The following NTRK3 variants were observed in gnomAD, a reference collection of about 807,000 sequenced individuals.
NTRK3 encodes NT-3 growth factor receptor.
In NTRK3, 24 loss-of-function variants were observed where a neutral mutation model predicts 91.7. That is an observed-to-expected ratio of 0.26 (90% CI 0.19 to 0.37). The LOEUF (loss-of-function observed/expected upper bound fraction) is 0.37. Ranked by LOEUF, NTRK3 falls within the 10% of genes least tolerant of loss-of-function variation. NTRK3 has a pLI of 1.00. For synonymous variants in NTRK3, 483 were observed against 404.0 expected (o/e 1.20, Z -2.34); for missense variants, 880 against 1,068.9 (o/e 0.82, Z 2.46).
At chr15:87,897,343 T>G (rs1214238752) in intron 17 of NTRK3, among the ~76,000 whole-genome samples, 1 of 152,196 alleles carries the variant, frequency 6.6e-6, no homozygotes, top group Non-Finnish European at 1.5e-5. Flanking sequence ...CTCATTGTCC[T>G]TTACTGCCCC....
intron 14 of NTRK3, among the ~76,000 whole-genome samples, chr15:87,945,138 C>CA (rs1361404795): frequency 2.6e-5 from 4 of 152,160 alleles, no homozygotes; most frequent in Non-Finnish European, 5.9e-5. Flanking sequence ...CAATCTCCAA[C>CA]AAAAAAGGGG....
chr15:88,134,695 T>A (rs1042357455), intron 10 of NTRK3, among the ~76,000 whole-genome samples: 1 of 152,222 alleles, frequency 6.6e-6, no homozygotes, highest in African/African-American at 2.4e-5. Flanking sequence ...CCTTGACTCA[T>A]TTAAAAGTCA....
chr15:88,158,487 G>C (rs1173801193), intron 5 of NTRK3, among the ~76,000 whole-genome samples: 1 of 152,204 alleles, frequency 6.6e-6, no homozygotes, highest in Non-Finnish European at 1.5e-5. Flanking sequence ...CAGGGAAAAT[G>C]CGGTCCTCAC....
At chr15:88,238,283 G>A (rs1245989166) in intron 3 of NTRK3, among the ~76,000 whole-genome samples, 1 of 151,946 alleles carries the variant, frequency 6.6e-6, no homozygotes, top group East Asian at 1.9e-4. Flanking sequence ...TTTTAATATT[G>A]TTTTTATTTT....
chr15:88,032,387 G>C (rs998251900), intron 14 of NTRK3, among the ~76,000 whole-genome samples: 1 of 152,126 alleles, frequency 6.6e-6, no homozygotes, highest in African/African-American at 2.4e-5. Flanking sequence ...TGCACACTTC[G>C]GGGCACTGGA....
intron 14 of NTRK3, among the ~76,000 whole-genome samples, chr15:88,012,333 C>T (rs1175844488): frequency 2.6e-5 from 4 of 152,170 alleles, no homozygotes; most frequent in Non-Finnish European, 5.9e-5. Context: ...CACTTCCTTC[C>T]TTATTATTCA....
intron 15 of NTRK3, among the ~76,000 whole-genome samples, chr15:87,936,685 C>T (rs778064555): frequency 4.6e-5 from 7 of 152,048 alleles, no homozygotes; most frequent in South Asian, 2.1e-4. Flanking sequence ...AACACACACA[C>T]GCACGCACAC....
chr15:87,877,561 G>A (rs2141443602), intron 18 of NTRK3, among the ~76,000 whole-genome samples: 1 of 152,162 alleles, frequency 6.6e-6, no homozygotes, highest in South Asian at 2.1e-4. Context: ...TGCACCCTCT[G>A]GCCCCTGCAT....
intron 5 of NTRK3, among the ~76,000 whole-genome samples, chr15:88,177,868 A>G (rs2151563434): frequency 1.3e-5 from 2 of 152,362 alleles, no homozygotes; most frequent in Non-Finnish European, 2.9e-5. Flanking sequence ...CATTGTCTTA[A>G]GCACTTTCCA....
intron 14 of NTRK3, among the ~76,000 whole-genome samples, chr15:87,952,522 C>A (rs1294936642): frequency 1.3e-5 from 2 of 152,184 alleles, no homozygotes; most frequent in Non-Finnish European, 2.9e-5. Context: ...GCCCCGGGGA[C>A]AGACAGCTCC....
chr15:88,084,342 G>C (rs1433294144), intron 13 of NTRK3, among the ~76,000 whole-genome samples: 2 of 152,140 alleles, frequency 1.3e-5, no homozygotes, highest in Admixed American at 6.5e-5. Context: ...GCAGGGTTAG[G>C]CTAGTTCAGG....
intron 13 of NTRK3, among the ~76,000 whole-genome samples, chr15:88,061,273 G>C (rs2046186710): frequency 1.3e-5 from 2 of 152,302 alleles, no homozygotes; most frequent in South Asian, 4.1e-4. Flanking sequence ...ATCTGGACTT[G>C]CAACAGGAAA....
intron 17 of NTRK3, among the ~76,000 whole-genome samples, chr15:87,890,358 G>C (rs542183544): frequency 1.8e-4 from 28 of 152,166 alleles, no homozygotes; most frequent in Admixed American, 6.5e-4. Context: ...TATTCCTTCT[G>C]CATATATTAG....
exon 19 of NTRK3, chr15:87,864,850 G>A (rs1420827131): frequency 8.8e-6 from 2 of 228,516 alleles, no homozygotes; most frequent in African/African-American, 4.4e-5. Context: ...CAGAGAGTGG[G>A]CTCTATTATT....
Position 88,054,845 on chromosome 15 carries a change from A to AT in NTRK3, c.1397-21801dup, listed in dbSNP as rs201587565. On this transcript the variant is annotated intron_variant, in intron 13 of 18. Transcript: ENST00000394480. ...TTCAGGCATTGTGCTCTTTGCATGT[A>AT]TTTTTTTTTCCAAAGTGCAAGTGAT... Among the ~76,000 whole-genome samples the AT allele has an allele frequency of 3.0e-4, 45 of 151,724 alleles. 1 individual carries two copies. The East Asian group carries it at 5.8e-3, about 20-fold the overall frequency.
At chr15:88,251,403 T>C (rs1339625760) in intron 3 of NTRK3, among the ~76,000 whole-genome samples, 4 of 152,260 alleles carry the variant, frequency 2.6e-5, no homozygotes, top group African/African-American at 9.6e-5. Context: ...TTACAGGCTC[T>C]GAAAGTCTAG....
intron 3 of NTRK3, among the ~76,000 whole-genome samples, chr15:88,205,455 T>C (rs1163397765): frequency 1.1e-4 from 16 of 152,150 alleles, no homozygotes; most frequent in African/African-American, 3.9e-4. Context: ...GCAGCGATGC[T>C]TACGTGAAAT....
chr15:88,225,902 T>C (rs1331400828), intron 3 of NTRK3, among the ~76,000 whole-genome samples: 2 of 152,176 alleles, frequency 1.3e-5, no homozygotes, highest in African/African-American at 2.4e-5. Context: ...ACCCGCTACC[T>C]AGACATGCAC....
chr15:88,092,357 G>A (rs1329158872), intron 13 of NTRK3, among the ~76,000 whole-genome samples: 1 of 152,204 alleles, frequency 6.6e-6, no homozygotes, highest in Non-Finnish European at 1.5e-5. Flanking sequence ...CAGACCTGCT[G>A]CCTTTGATCA....
Sources: allele counts gnomAD v4.1 joint callset (sites outside exome capture counted in the v4.1 genomes callset), GRCh38; gene constraint gnomAD v4.1.1; transcripts MANE v1.5; gene names NCBI Gene and HGNC (gene_info 2026-07-23, HGNC 2026-07-21).